The following ITGB1BP1 variants were observed in gnomAD, a reference collection of about 807,000 sequenced individuals.
The protein encoded by ITGB1BP1 is integrin subunit beta 1 binding protein 1, also known as integrin beta-1-binding protein 1.
ITGB1BP1 carries 20 observed loss-of-function variants against 28.0 expected under a neutral mutation model. The ratio of observed to expected loss-of-function variants is 0.71; its 90% CI spans 0.50 to 1.04. The LOEUF is 1.04. Ranked by LOEUF, ITGB1BP1 falls within the 50% of genes least tolerant of loss-of-function variation. ITGB1BP1 has a pLI of 0.00. For synonymous variants in ITGB1BP1, 103 were observed against 89.5 expected (o/e 1.15, Z -0.85); for missense variants, 228 against 242.5 (o/e 0.94, Z 0.40).
rs982318621 is a variant in ITGB1BP1, at chr2:9,412,142, G to C, written c.288+127C>G. The C allele has an allele frequency of 5.4e-6, 4 of 744,572 alleles. No individual in the cohort carries two copies. The East Asian group carries it at 1.0e-4, about 19-fold the overall frequency. The allele number at this position is 744,572 out of a possible 1,614,324, so 46.1% of individuals were successfully genotyped here. A position where few individuals can be genotyped will look rare whatever the true frequency, so the allele number is the denominator to read the frequency against. ...CACGCACATGTGCGGTGGTGATGCG[G>C]GGACTTCAGTCGAGAGCAAGCGGAG... is the stretch of plus-strand genomic sequence containing the variant. On this transcript the variant is annotated intron_variant, in intron 4 of 6. Transcript: ENST00000355346.
At chr2:9,409,199 A>T (rs1425657964) in intron 4 of ITGB1BP1, among the ~76,000 whole-genome samples, 1 of 152,230 alleles carries the variant, frequency 6.6e-6, no homozygotes, top group Admixed American at 6.5e-5. Flanking sequence ...GTCTTCCCTA[A>T]CGTAAGACGC....
rs188763404 is a variant in ITGB1BP1, at chr2:9,407,608, T to C, written c.382-10A>G. 4.1e-5 allele frequency: 66 copies of C among 1,613,890 alleles called. 1 individual carries two copies. The African/African-American group carries it at 6.3e-4, about 15-fold the overall frequency. ...GCCTGTGCAAAACATCCTGCAGAAG[T>C]CAGGAAAGATTCCGAGAGATCAGGA... On this transcript the variant is annotated splice_polypyrimidine_tract_variant and intron_variant, in intron 5 of 6. Coordinates refer to ENST00000355346, the MANE Select transcript of ITGB1BP1 (RefSeq NM_004763.5).
Position 9,408,426 on chromosome 2 carries a change from C to T in ITGB1BP1, c.289-221G>A, listed in dbSNP as rs1204492665. ...TTTTTGAGACAGAGTCTCACTCTGT[C>T]GCCCAGGCTATAGTGCAGTGGCATG... On this transcript the variant is annotated intron_variant, in intron 4 of 6. Transcript: ENST00000355346. The T allele has an allele frequency of 1.1e-5, 5 of 474,146 alleles. No individual in the cohort carries two copies. In the East Asian group the frequency reaches 1.5e-4, roughly 15 times the overall value. 29.4% of individuals were successfully genotyped at this position (474,146 alleles called of 1,614,324 possible).
chr2:9,411,034 ACTTT>A (rs1212719125), intron 4 of ITGB1BP1, among the ~76,000 whole-genome samples: 2 of 152,314 alleles, frequency 1.3e-5, no homozygotes, highest in East Asian at 3.9e-4. Flanking sequence ...GAAGCAATTT[ACTTT>A]CTTTTTTTTT....
rs1187671983 is a variant in ITGB1BP1 at position 9,415,635 on chromosome 2, G to T, written c.73-1379C>A. Reference sequence around the variant, plus strand: ...CACACAGATGAGATTTCCCTGTAGGGTCCCCACGCTTAAGGCTGAGGAAGT... The same window carrying T: ...CACACAGATGAGATTTCCCTGTAGGTTCCCCACGCTTAAGGCTGAGGAAGT... On this transcript the variant is annotated intron_variant, in intron 2 of 6. Coordinates refer to ENST00000355346, the MANE Select transcript of ITGB1BP1 (RefSeq NM_004763.5). This position sits in a 1 kb window ranked among gnomAD's most constrained non-coding sequence, Gnocchi z 4.1. 2.0e-5 allele frequency among the ~76,000 whole-genome samples: 3 copies of T among 152,152 alleles called. No individual in the cohort carries two copies. Among genetic ancestry groups the T allele is most frequent in the African/African-American group, 7.2e-5 (3 of 41,424 alleles).
rs1387974883 is a variant in ITGB1BP1 at position 9,415,853 on chromosome 2, G to A, written c.73-1597C>T. Among the ~76,000 whole-genome samples, 1 of 152,224 alleles carries A rather than the reference G, an allele frequency of 6.6e-6. No individual in the cohort carries two copies. The highest frequency in any genetic ancestry group is 1.5e-5 in the Non-Finnish European group (1 of 68,048). The stretch of plus-strand genomic sequence containing the variant: ...TGACTGGAAACTGAGTGGCAGTCGT[G>A]TGTCTTTGTCTCATTCACATGTGGC... On this transcript the variant is annotated intron_variant, in intron 2 of 6. Coordinates refer to ENST00000355346, the MANE Select transcript of ITGB1BP1 (RefSeq NM_004763.5). The surrounding 1 kb of genome is among the most constrained non-coding windows in gnomAD (Gnocchi z 4.1).
At chr2:9,413,598 G>C (rs549061325) in intron 3 of ITGB1BP1, among the ~76,000 whole-genome samples, 2 of 152,228 alleles carry the variant, frequency 1.3e-5, no homozygotes, top group South Asian at 4.1e-4. Flanking sequence ...CCGAAGTGCT[G>C]GGATTACAGT....
Position 9,405,014 on chromosome 2 carries a change from A to G in ITGB1BP1, c.*1820T>C, listed in dbSNP as rs568636060. The G allele has an allele frequency of 2.0e-5, 3 of 152,570 alleles. No individual in the cohort carries two copies. Among genetic ancestry groups the G allele is most frequent in the South Asian group, 4.1e-4 (2 of 4,820 alleles). 9.5% of individuals were successfully genotyped at this position (152,570 alleles called of 1,614,324 possible). A position where few individuals can be genotyped will look rare whatever the true frequency, so the allele number is the denominator to read the frequency against. On this transcript the variant is annotated 3_prime_UTR_variant, in exon 7 of 7. Transcript: ENST00000355346. ...CAGTGCACTTATGTCTATTTTAACA[A>G]TCCTCCTGCATCTGTATTTTATAGT...
chr2:9,407,336 A>T, intron 6 of ITGB1BP1, 113 bp downstream of exon 6: 1 of 1,216,748 alleles, frequency 8.2e-7, no homozygotes, highest in South Asian at 1.4e-5. Context: ...CACTATCCCC[A>T]GGCCAAGATA....
At chr2:9,409,841 C>CTTTTTTTTT (rs1036594187) in intron 4 of ITGB1BP1, among the ~76,000 whole-genome samples, 1 of 123,164 alleles carries the variant, frequency 8.1e-6, no homozygotes. Flanking sequence ...ACCGTGAGTT[C>CTTTTTTTTT]TTTTTTTTTT....
At chr2:9,422,847 A>C in intron 1 of ITGB1BP1, 1 of 986,070 alleles carries the variant, frequency 1.0e-6, no homozygotes, top group African/African-American at 1.7e-5. Context: ...AGGATGCCAA[A>C]GCGCCCGAAG....
In ITGB1BP1 at chr2:9,414,146, C is replaced by T. The variant is rs752631125; in HGVS notation, c.151+32G>A. Reference sequence around the variant, plus strand: ...ACCACGTGAACATCAATGAAAAGCGCAGACAATCAATGATCCAACCCTTTT... The same window carrying T: ...ACCACGTGAACATCAATGAAAAGCGTAGACAATCAATGATCCAACCCTTTT... On this transcript the variant is annotated intron_variant, in intron 3 of 6. Coordinates refer to ENST00000355346, the MANE Select transcript of ITGB1BP1 (RefSeq NM_004763.5). 1.0e-5 allele frequency: 16 copies of T among 1,568,154 alleles called. No homozygotes were observed. The Middle Eastern group carries it at 2.0e-3, about 197-fold the overall frequency.
chr2:9,405,286 A>G lies in ITGB1BP1; in HGVS notation c.*1548T>C, dbSNP rs970590438. On this transcript the variant is annotated 3_prime_UTR_variant, in exon 7 of 7. Transcript: ENST00000355346. ...TTGCTCCTTGCAAATTAAAAAAGCA[A>G]CTAAGAGAAAGAAAAACATTGTAGA... 1.3e-5 allele frequency: 2 copies of G among 152,286 alleles called. No individual in the cohort carries two copies. Among genetic ancestry groups the G allele is most frequent in the African/African-American group, 4.8e-5 (2 of 41,464 alleles). The allele number at this position is 152,286 out of a possible 1,614,324, so 9.4% of individuals were successfully genotyped here. A position where few individuals can be genotyped will look rare whatever the true frequency, so the allele number is the denominator to read the frequency against.
At chr2:9,420,573 T>G (rs1287937257) in intron 1 of ITGB1BP1, among the ~76,000 whole-genome samples, 1 of 152,128 alleles carries the variant, frequency 6.6e-6, no homozygotes, top group Non-Finnish European at 1.5e-5. Context: ...CTGTAGCTCT[T>G]TTTCTGAAAG....
intron 5 of ITGB1BP1, 43 bp from the exon 6 acceptor site, chr2:9,407,641 A>G: frequency 6.2e-7 from 1 of 1,610,056 alleles, no homozygotes; most frequent in South Asian, 1.1e-5. Context: ...GGACTCTCAA[A>G]TGTTTGTCAG....
chr2:9,418,690 C>T lies in ITGB1BP1; in HGVS notation c.8G>A (p.Arg3His), dbSNP rs773209764. 39 of 1,613,722 alleles carry T rather than the reference C, an allele frequency of 2.4e-5. No homozygotes were observed. Among genetic ancestry groups the T allele is most frequent in the Non-Finnish European group, 2.7e-5 (32 of 1,179,910 alleles). The change falls in exon 2 of 7, where the codon CGC becomes CAC. Residue 3 changes from arginine (R) to histidine (H), a missense_variant. This residue lies in a region of ITGB1BP1 where 36 missense variants were observed against 61.0 expected (regional missense o/e 0.59). Coordinates refer to ENST00000355346, the MANE Select transcript of ITGB1BP1 (RefSeq NM_004763.5). ...ACTACTGTGTCGTTTTTTGCCCTTG[C>T]GAAACATTTTTCACCACCATTGCTT... is the stretch of plus-strand genomic sequence containing the variant. MFRKGKKRHSSSS... is the reference protein window; with the variant it reads MFHKGKKRHSSSS...
intron 1 of ITGB1BP1, 44 bp from the exon 2 acceptor site, chr2:9,418,776 C>CA: frequency 3.2e-6 from 3 of 952,046 alleles, no homozygotes; most frequent in Non-Finnish European, 4.8e-6. Context: ...GGAAAAGCAA[C>CA]TTTTTTTTTT....
chr2:9,407,822 A>G (rs924497566), intron 5 of ITGB1BP1, among the ~76,000 whole-genome samples: 3 of 151,966 alleles, frequency 2.0e-5, no homozygotes, highest in Admixed American at 6.6e-5. Context: ...CCCACCGTCC[A>G]AGCTGACAGC....
intron 1 of ITGB1BP1, among the ~76,000 whole-genome samples, chr2:9,421,042 G>T (rs968409062): frequency 1.3e-5 from 2 of 152,180 alleles, no homozygotes; most frequent in African/African-American, 4.8e-5. Flanking sequence ...TAACGTAGCA[G>T]CATAAAGTGC....
Sources: gnomAD v4.1 joint callset for allele counts (sites outside exome capture counted in the v4.1 genomes callset) on GRCh38, gnomAD v4.1.1 for gene constraint, gnomAD v4.1.1 regional missense constraint, Gnocchi (gnomAD v3.1) non-coding constraint, MANE v1.5 for transcripts, NCBI Gene and HGNC (gene_info 2026-07-23, HGNC 2026-07-21) for gene names.